The following PYROXD2 variants were observed in gnomAD, a reference collection of about 807,000 sequenced individuals.
The protein encoded by PYROXD2 is pyridine nucleotide-disulfide oxidoreductase domain-containing protein 2.
A neutral mutation model predicts 71.1 loss-of-function variants in PYROXD2; 69 were observed. The ratio of observed to expected loss-of-function variants is 0.97; its 90% CI spans 0.80 to 1.19. The LOEUF (loss-of-function observed/expected upper bound fraction) is 1.19. Ranked by LOEUF, PYROXD2 falls within the 50% of genes most tolerant of loss-of-function variation. The probability of loss-of-function intolerance (pLI) is 0.00; values close to 1 mark genes in which losing one functional copy is unlikely to be tolerated. For synonymous variants in PYROXD2, 287 were observed against 302.7 expected, an observed-to-expected ratio of 0.95 and a Z score of 0.54; for missense variants, 745 against 748.9, an observed-to-expected ratio of 0.99 and a Z score of 0.06.
chr10:98,399,992 G>T, intron 5 of PYROXD2, 110 bp downstream of exon 5: 1 of 1,351,728 alleles, frequency 7.4e-7, no homozygotes, highest in Non-Finnish European at 9.9e-7. Context: ...ACGTGGGGTG[G>T]CCTGGCGCAG....
At chr10:98,410,123 A>G (rs1404575151) in intron 2 of PYROXD2, among the ~76,000 whole-genome samples, 1 of 152,198 alleles carries the variant, frequency 6.6e-6, no homozygotes, top group Non-Finnish European at 1.5e-5. Context: ...GTTTTAAATT[A>G]CTGATCCATT....
intron 8 of PYROXD2, among the ~76,000 whole-genome samples, chr10:98,394,808 A>G (rs11189589): frequency 0.36 from 54,135 of 151,684 alleles, 9,934 homozygotes; most frequent in South Asian, 0.44. Context: ...GTGGAGAGGT[A>G]GAAGAGGGAA....
intron 6 of PYROXD2, among the ~76,000 whole-genome samples, chr10:98,395,675 G>A (rs1843145953): frequency 6.6e-6 from 1 of 152,152 alleles, no homozygotes; most frequent in Non-Finnish European, 1.5e-5. Context: ...TTCTTTACCT[G>A]TAAAATGGGA....
chr10:98,394,543 A>AACACACACACACAC (rs58461142), intron 8 of PYROXD2, among the ~76,000 whole-genome samples: 1,895 of 141,862 alleles, frequency 0.013, 49 homozygotes, highest in African/African-American at 0.045. Context: ...TCTCCATCCC[A>AACACACACACACAC]ACACACACAC....
At chr10:98,387,408 A>G in intron 13 of PYROXD2, 101 bp from the exon 14 acceptor site, 1 of 755,354 alleles carries the variant, frequency 1.3e-6, no homozygotes, top group Non-Finnish European at 2.2e-6. Context: ...TAAATTACAC[A>G]CAGAAATGGG....
intron 5 of PYROXD2, among the ~76,000 whole-genome samples, chr10:98,399,246 G>A (rs927144061): frequency 6.6e-6 from 1 of 152,216 alleles, no homozygotes; most frequent in Non-Finnish European, 1.5e-5. Flanking sequence ...TGTAGGCTGT[G>A]TGTCTGTGGT....
chr10:98,388,097 G>T, intron 13 of PYROXD2: 1 of 476,796 alleles, frequency 2.1e-6, no homozygotes, highest in Non-Finnish European at 3.8e-6. Context: ...GTAATAAAAG[G>T]TTTCTTAATT....
intron 1 of PYROXD2, 137 bp from the exon 2 acceptor site, chr10:98,411,095 C>T: frequency 8.1e-7 from 1 of 1,237,756 alleles, no homozygotes; most frequent in Non-Finnish European, 1.1e-6. Context: ...CCCCTTCCCG[C>T]ACTCAGATGT....
intron 4 of PYROXD2, among the ~76,000 whole-genome samples, chr10:98,402,330 A>G (rs975129913): frequency 4.6e-5 from 7 of 152,212 alleles, no homozygotes; most frequent in African/African-American, 1.7e-4. Context: ...AGCTCTCAGC[A>G]CCGGTCTGTA....
intron 4 of PYROXD2, among the ~76,000 whole-genome samples, chr10:98,404,721 GA>G (rs11308764): frequency 0.032 from 4,801 of 152,050 alleles, 151 homozygotes; most frequent in African/African-American, 0.074. Context: ...AGATACAAGA[GA>G]TTTAAAGGGT....
chr10:98,389,237 G>A (rs538281788), intron 12 of PYROXD2, among the ~76,000 whole-genome samples: 3 of 151,942 alleles, frequency 2.0e-5, no homozygotes, highest in South Asian at 4.2e-4. Context: ...TTTCACAGTC[G>A]CTCCTTTTTT....
Position 98,415,036 on chromosome 10 carries a change from C to G in PYROXD2, c.100G>C (p.Glu34Gln), listed in dbSNP as rs1370655929. 8.7e-6 allele frequency: 14 copies of G among 1,613,810 alleles called. No individual in the cohort carries two copies. The highest frequency in any genetic ancestry group is 1.1e-5 in the Non-Finnish European group (13 of 1,179,918). ...NTEARGGLKP[E>Q]YDAVVIGAGH... is the part of the protein sequence containing the mutation. The stretch of plus-strand genomic sequence containing the variant: ...GCTCCTATCACCACCGCATCATACT[C>G]AGGCTTCAGACCTCCCCTGGCTTCC... Residue 34 changes from glutamate to glutamine, a missense_variant, in exon 1 of 16, where the codon GAG (glutamate) becomes CAG (glutamine). Coordinates refer to ENST00000370575, the MANE Select transcript of PYROXD2 (RefSeq NM_032709.3).
chr10:98,392,812 C>A, intron 9 of PYROXD2, 130 bp downstream of exon 9: 1 of 1,205,370 alleles, frequency 8.3e-7, no homozygotes, highest in South Asian at 1.4e-5. Context: ...ACCTTAATCT[C>A]TTGATTCTGC....
rs532222817 is a variant in PYROXD2 at position 98,390,878 on chromosome 10, C to A, written c.1136-124G>T. The A allele has an allele frequency of 5.7e-6, 8 of 1,396,724 alleles. No homozygotes were observed. The South Asian group carries it at 9.7e-5, about 17-fold the overall frequency. The allele number at this position is 1,396,724 out of a possible 1,614,324, so 86.5% of individuals were successfully genotyped here. A position where few individuals can be genotyped will look rare whatever the true frequency, so the allele number is the denominator to read the frequency against. On this transcript the variant is annotated intron_variant, in intron 11 of 15. Transcript: ENST00000370575. ...TATGAGCAAGTGTTTCACCTTCTGA[C>A]CAGGCTGCAGGGGGACACAGGCTGG...
intron 12 of PYROXD2, among the ~76,000 whole-genome samples, chr10:98,389,861 C>T (rs749488665): frequency 6.6e-6 from 1 of 152,218 alleles, no homozygotes. Context: ...TGTGCCCACT[C>T]ACTGAACCAA....
In PYROXD2 at chr10:98,388,337, C is replaced by A. The variant is rs376971087; in HGVS notation, c.1447+17G>T. 18 of 1,613,474 alleles carry A rather than the reference C, an allele frequency of 1.1e-5. No homozygotes were observed. The highest frequency in any genetic ancestry group is 1.4e-5 in the Non-Finnish European group (17 of 1,179,766). On this transcript the variant is annotated intron_variant, in intron 13 of 15. Coordinates refer to ENST00000370575, the MANE Select transcript of PYROXD2 (RefSeq NM_032709.3). ...CCCGGCTGTGGCTCTGGAGGCAGAA[C>A]GTGCAGCTGTCTTTACCTCTGTCTG...
At chr10:98,414,695 C>T in intron 1 of PYROXD2, 1 of 255,286 alleles carries the variant, frequency 3.9e-6, no homozygotes, top group Non-Finnish European at 7.4e-6. Flanking sequence ...GAAACTAGGT[C>T]ACTTTGCAAG....
chr10:98,410,545 A>C, intron 2 of PYROXD2: 1 of 236,886 alleles, frequency 4.2e-6, no homozygotes. Flanking sequence ...TCTAGACACA[A>C]GGGCTGCCTA....
intron 5 of PYROXD2, among the ~76,000 whole-genome samples, chr10:98,399,063 C>G (rs149168080): frequency 6.6e-6 from 1 of 152,242 alleles, no homozygotes; most frequent in East Asian, 1.9e-4. Context: ...ATTGCTTGAA[C>G]CCGGGAGGCA....
Sources: gnomAD v4.1 joint callset for allele counts (sites outside exome capture counted in the v4.1 genomes callset) on GRCh38, gnomAD v4.1.1 for gene constraint, MANE v1.5 for transcripts, NCBI Gene and HGNC (gene_info 2026-07-23, HGNC 2026-07-21) for gene names.